The following DNER variants were observed in gnomAD, a reference collection of about 807,000 sequenced individuals.
The protein encoded by DNER is delta/notch like EGF repeat containing, also known as delta and Notch-like epidermal growth factor-related receptor.
In DNER, 33 loss-of-function variants were observed where a neutral mutation model predicts 78.2. That is an observed-to-expected ratio of 0.42 (90% CI 0.32 to 0.56). The LOEUF is 0.56. Among genes scored for constraint, DNER ranks in the 20% least tolerant of loss-of-function variants. The pLI is 0.11. For missense variants in DNER, 918 were observed against 975.3 expected, an observed-to-expected ratio of 0.94 and a Z score of 0.78; for synonymous variants, 417 against 384.8, an observed-to-expected ratio of 1.08 and a Z score of -0.98.
rs144765857 is a variant in DNER at position 229,431,262 on chromosome 2, G to A, written c.1487-13032C>T. 1.6e-4 allele frequency among the ~76,000 whole-genome samples: 24 copies of A among 152,216 alleles called. No homozygotes were observed. The East Asian group carries it at 3.9e-3, about 25-fold the overall frequency. On this transcript the variant is annotated intron_variant, in intron 8 of 12. Coordinates refer to ENST00000341772, the MANE Select transcript of DNER (RefSeq NM_139072.4). ...GAAAATCTGGGACTATATGGAAGAC[G>A]ACAGCTCACTTGTGACTGTGCTTAT...
At chr2:229,519,849 C>T (rs564276882) in intron 5 of DNER, among the ~76,000 whole-genome samples, 1 of 152,304 alleles carries the variant, frequency 6.6e-6, no homozygotes, top group Admixed American at 6.5e-5. Flanking sequence ...TCCTCCCTTG[C>T]TGTCAGGCTG....
intron 1 of DNER, among the ~76,000 whole-genome samples, chr2:229,659,648 G>A (rs939346451): frequency 6.6e-5 from 10 of 152,068 alleles, no homozygotes; most frequent in Admixed American, 6.6e-5. Flanking sequence ...AAACTCTGAC[G>A]TTTATGTCCA....
At chr2:229,409,835 A>G (rs1297432811) in intron 9 of DNER, among the ~76,000 whole-genome samples, 1 of 152,178 alleles carries the variant, frequency 6.6e-6, no homozygotes, top group Non-Finnish European at 1.5e-5. Context: ...GGTGACTCAC[A>G]TTTCTATATC....
chr2:229,586,146 G>A (rs751361300), intron 3 of DNER, 122 bp from the exon 4 acceptor site: 11 of 1,227,180 alleles, frequency 9.0e-6, no homozygotes, highest in South Asian at 1.6e-5. Flanking sequence ...CCAGGAGATC[G>A]ATGGCATAAA....
intron 7 of DNER, among the ~76,000 whole-genome samples, chr2:229,468,898 A>G (rs777739133): frequency 5.9e-5 from 9 of 152,068 alleles, no homozygotes; most frequent in Non-Finnish European, 1.2e-4. Flanking sequence ...GAGTCTCTGG[A>G]TGACCCCTAC....
Position 229,591,900 on chromosome 2 carries a change from C to T in DNER, c.277-12G>A. On this transcript the variant is annotated splice_polypyrimidine_tract_variant and intron_variant, in intron 1 of 12. Coordinates refer to ENST00000341772, the MANE Select transcript of DNER (RefSeq NM_139072.4). This position sits in a 1 kb window ranked among gnomAD's most constrained non-coding sequence, Gnocchi z 4.6. ...GGATCTGCAACAAGCTGAAACGAGA[C>T]CATAAATGGGTCAATTATTCCCTCA... The T allele has an allele frequency of 1.3e-6, 2 of 1,518,944 alleles. No individual in the cohort carries two copies. Among genetic ancestry groups the T allele is most frequent in the Non-Finnish European group, 1.8e-6 (2 of 1,136,064 alleles). 94.1% of individuals were successfully genotyped at this position (1,518,944 alleles called of 1,614,324 possible).
At chr2:229,574,688 T>C (rs1483423642) in intron 4 of DNER, among the ~76,000 whole-genome samples, 1 of 152,178 alleles carries the variant, frequency 6.6e-6, no homozygotes, top group African/African-American at 2.4e-5. Flanking sequence ...ATAGAGTCTT[T>C]TTCATTCTTC....
intron 4 of DNER, among the ~76,000 whole-genome samples, chr2:229,560,876 C>T (rs906413669): frequency 1.3e-5 from 2 of 152,046 alleles, no homozygotes; most frequent in East Asian, 1.9e-4. Flanking sequence ...GTAAAGGGGC[C>T]GGGGGCATTA....
At chr2:229,603,177 G>A (rs1360686980) in intron 1 of DNER, among the ~76,000 whole-genome samples, 2 of 152,098 alleles carry the variant, frequency 1.3e-5, no homozygotes, top group African/African-American at 4.8e-5. Flanking sequence ...ACACCAATTG[G>A]ATTGTAGATC....
intron 1 of DNER, among the ~76,000 whole-genome samples, chr2:229,666,134 G>A (rs757819835): frequency 5.3e-5 from 8 of 152,028 alleles, no homozygotes; most frequent in Non-Finnish European, 8.8e-5. Context: ...CTCACTATCC[G>A]CTACACAAGT....
At chr2:229,592,756 A>C (rs1210438550) in intron 1 of DNER, among the ~76,000 whole-genome samples, 1 of 152,192 alleles carries the variant, frequency 6.6e-6, no homozygotes. Flanking sequence ...TGTTCTCAGC[A>C]CCTGTTCAAT....
chr2:229,663,085 C>T (rs17678034), intron 1 of DNER, among the ~76,000 whole-genome samples: 55,677 of 151,940 alleles, frequency 0.37, 10,580 homozygotes, highest in East Asian at 0.47. Flanking sequence ...ATCAGTTGAA[C>T]TGAATTTAGA....
At chr2:229,416,883 ATCT>A (rs1693664960) in intron 9 of DNER, among the ~76,000 whole-genome samples, 1 of 152,222 alleles carries the variant, frequency 6.6e-6, no homozygotes, top group Non-Finnish European at 1.5e-5. Flanking sequence ...TCTTCCTAGA[ATCT>A]TCATTTGTTC....
chr2:229,466,770 C>G (rs980774138), intron 7 of DNER, among the ~76,000 whole-genome samples: 6 of 152,096 alleles, frequency 3.9e-5, no homozygotes, highest in African/African-American at 1.2e-4. Flanking sequence ...TAGAATAATA[C>G]TTAAAAATAT....
At chr2:229,561,415 C>A (rs1448161170) in intron 4 of DNER, among the ~76,000 whole-genome samples, 3 of 152,112 alleles carry the variant, frequency 2.0e-5, no homozygotes, top group Admixed American at 2.0e-4. Context: ...TCTCAACAAA[C>A]CTTACTGTCA....
chr2:229,500,787 T>G (rs1438018114), intron 6 of DNER, among the ~76,000 whole-genome samples: 1 of 152,138 alleles, frequency 6.6e-6, no homozygotes, highest in Non-Finnish European at 1.5e-5. Flanking sequence ...AAGATTTCGA[T>G]GCACCTACCA....
chr2:229,567,225 C>CAT (rs1171900599), intron 4 of DNER, among the ~76,000 whole-genome samples: 4 of 152,238 alleles, frequency 2.6e-5, no homozygotes, highest in African/African-American at 9.6e-5. Flanking sequence ...CAACTACAGT[C>CAT]ATAGCACAGT....
rs139114799 is a variant in DNER at position 229,588,433 on chromosome 2, C to A, written c.641G>T (p.Arg214Leu). 1 of 1,578,434 alleles carries A rather than the reference C, an allele frequency of 6.3e-7. No individual in the cohort carries two copies. The highest frequency in any genetic ancestry group is 8.6e-7 in the Non-Finnish European group (1 of 1,159,772). The change falls in exon 3 of 13, where the codon CGC (arginine) becomes CTC (leucine). Residue 214 changes from arginine to leucine, a missense_variant. Arg to Leu is a moderately radical substitution (Grantham distance 102, BLOSUM62 -2). Transcript: ENST00000341772. ...CTGTGGCACTTCAAAGGATACCAGG[C>A]GGCCACCCGCAGAGCTGTTAGAACT... ...NASSNSSAGG[R>L]LVSFEVPQNT...
chr2:229,706,954 G>A (rs566270354), intron 1 of DNER, among the ~76,000 whole-genome samples: 48 of 152,264 alleles, frequency 3.2e-4, no homozygotes, highest in African/African-American at 1.2e-3. Context: ...AAAGAATGGG[G>A]ATGAGAACTG....
Sources: gnomAD v4.1 joint callset for allele counts (sites outside exome capture counted in the v4.1 genomes callset) on GRCh38, gnomAD v4.1.1 for gene constraint, Gnocchi (gnomAD v3.1) non-coding constraint, MANE v1.5 for transcripts, NCBI Gene and HGNC (gene_info 2026-07-23, HGNC 2026-07-21) for gene names.